PACS2: variants seen among roughly 807,000 people sequenced by gnomAD.
PACS2 encodes phosphofurin acidic cluster sorting protein 2, also known as PACS1-like protein.
PACS2 carries 36 observed loss-of-function variants against 113.0 expected under a neutral mutation model. That is an observed-to-expected ratio of 0.32 (90% CI 0.24 to 0.42). The LOEUF (loss-of-function observed/expected upper bound fraction) is 0.42. PACS2 is among the 10% of genes least tolerant of loss of function. PACS2 has a pLI of 1.00. For missense variants in PACS2, 1,015 were observed against 1,239.5 expected, an observed-to-expected ratio of 0.82 and a Z score of 2.72; for synonymous variants, 589 against 536.1, an observed-to-expected ratio of 1.10 and a Z score of -1.36.
rs782773260 is a variant in PACS2 at position 105,376,864 on chromosome 14, G to T, written c.898G>T (p.Asp300Tyr). The T allele has an allele frequency of 1.2e-6, 2 of 1,613,130 alleles. No individual in the cohort carries two copies. Among genetic ancestry groups the T allele is most frequent in the Non-Finnish European group, 1.7e-6 (2 of 1,179,862 alleles). Residue 300 changes from aspartate (D) to tyrosine (Y), a missense_variant, in exon 9 of 25, where the codon GAC (aspartate) becomes TAC (tyrosine). Asp to Tyr is a radical substitution (Grantham distance 160). Around this residue, in one of 3 missense-constraint regions of PACS2, gnomAD observed 859 missense variants for 1,056.8 expected, o/e 0.81. Transcript: ENST00000447393. The surrounding 1 kb of genome is among the most constrained non-coding windows in gnomAD (Gnocchi z 4.7). ...CACCCTGGACATGGAGCACCCCAGC[G>T]ACAGCGGCCCCGACATGGAGGATGA... The part of the protein sequence containing the change: ...YDTLDMEHPS[D>Y]SGPDMEDDDS...
intron 4 of PACS2, among the ~76,000 whole-genome samples, chr14:105,360,375 A>C (rs1439117692): frequency 6.6e-6 from 1 of 151,932 alleles, no homozygotes; most frequent in African/African-American, 2.4e-5. Flanking sequence ...TGTCGTCTCT[A>C]CTAAAAATAC....
intron 24 of PACS2, 108 bp downstream of exon 24, chr14:105,393,443 A>C (rs766790558): frequency 3.2e-5 from 21 of 651,928 alleles, no homozygotes; most frequent in Non-Finnish European, 5.0e-5. Flanking sequence ...TGTGACACGC[A>C]CATTCCACGA....
chr14:105,326,880 T>C (rs775710556), intron 1 of PACS2, among the ~76,000 whole-genome samples: 10 of 152,204 alleles, frequency 6.6e-5, no homozygotes, highest in Non-Finnish European at 1.3e-4. Context: ...AGCCTGCCCC[T>C]TGCAGTCAGT....
intron 19 of PACS2, among the ~76,000 whole-genome samples, chr14:105,386,528 A>C (rs1471097556): frequency 6.6e-6 from 1 of 152,174 alleles, no homozygotes; most frequent in African/African-American, 2.4e-5. Flanking sequence ...CCTTTCAGAC[A>C]GAGCCACCCC....
Position 105,348,601 on chromosome 14 carries a change from G to C in PACS2, c.207+21G>C. The C allele has an allele frequency of 6.4e-7, 1 of 1,557,198 alleles. No homozygotes were observed. The highest frequency in any genetic ancestry group is 1.4e-5 in the African/African-American group (1 of 73,936). ...TGCAGGTGAGGCCGCTTGTGACCCC[G>C]GCTGTGGCTGGGTGCTGTGTAGGCT... On this transcript the variant is annotated intron_variant, in intron 2 of 24. Coordinates refer to ENST00000447393, the MANE Select transcript of PACS2 (RefSeq NM_001100913.3). This position sits in a 1 kb window ranked among gnomAD's most constrained non-coding sequence, Gnocchi z 6.4.
chr14:105,371,289 T>C (rs1170759783), intron 8 of PACS2: 1 of 152,282 alleles, frequency 6.6e-6, no homozygotes, highest in Non-Finnish European at 1.5e-5. Flanking sequence ...CCTTGAGCCC[T>C]GCTGAGCGCC....
chr14:105,367,281 C>T lies in PACS2; in HGVS notation c.492C>T (p.Val164=). The T allele has an allele frequency of 6.2e-7, 1 of 1,613,168 alleles. No individual in the cohort carries two copies. Among genetic ancestry groups the T allele is most frequent in the South Asian group, 1.1e-5 (1 of 91,082 alleles). ...GCAGCAGCATCAAGGAGGCCCCCGT[C>T]AAGGCGGCCGAGATCTGGATCGCCT... is the stretch of plus-strand genomic sequence containing the variant. The part of the protein sequence containing the change: ...SLCSSIKEAP[V]KAAEIWIASL... Residue 164 remains valine (V), a synonymous_variant, in exon 5 of 25, where the codon GTC becomes GTT. Transcript: ENST00000447393.
At chr14:105,326,904 C>T (rs1258864221) in intron 1 of PACS2, among the ~76,000 whole-genome samples, 5 of 152,228 alleles carry the variant, frequency 3.3e-5, no homozygotes, top group Non-Finnish European at 7.3e-5. Flanking sequence ...GCTGTTCCTT[C>T]GGCTCCTGCA....
chr14:105,370,078 C>T, intron 8 of PACS2, 178 bp downstream of exon 8: 2 of 582,254 alleles, frequency 3.4e-6, no homozygotes, highest in South Asian at 2.1e-5. Flanking sequence ...CTCCCGGGCT[C>T]CAGGTCACCC....
intron 9 of PACS2, among the ~76,000 whole-genome samples, chr14:105,378,964 G>T (rs587697745): frequency 6.6e-6 from 1 of 152,228 alleles, no homozygotes; most frequent in East Asian, 1.9e-4. Flanking sequence ...GAAAGGCATG[G>T]GTGGCCTGGA....
At chr14:105,310,683 G>A (rs986088715), upstream of PACS2, among the ~76,000 whole-genome samples, 2 of 151,944 alleles carry the variant, frequency 1.3e-5, no homozygotes, top group African/African-American at 4.8e-5. Flanking sequence ...GCCAGATGGC[G>A]CCCGGCTCTC....
rs142660498 is a variant in PACS2, at chr14:105,328,499, A to T, written c.119+13462A>T. ...AGCAGTGTGAATGGCCATAGAGAAC[A>T]GGGGCCCAGAGGCTGCTCTCGAGGA... On this transcript the variant is annotated intron_variant, in intron 1 of 24. Transcript: ENST00000447393. Among the ~76,000 whole-genome samples, 101 of 152,324 alleles carry T rather than the reference A, an allele frequency of 6.6e-4. No homozygotes were observed. The East Asian group carries it at 0.019, about 29-fold the overall frequency.
exon 1 of PACS2, chr14:105,300,802 G>A (rs1341978689): frequency 3.8e-5 from 12 of 312,316 alleles, no homozygotes; most frequent in Admixed American, 5.9e-5. Context: ...CCCGGGCCGC[G>A]CCGCCCGCAA....
chr14:105,328,018 G>T (rs1324662584), intron 1 of PACS2, among the ~76,000 whole-genome samples: 1 of 152,268 alleles, frequency 6.6e-6, no homozygotes, highest in Non-Finnish European at 1.5e-5. Flanking sequence ...TTTCACTGCG[G>T]ATTCTATCAG....
Position 105,389,834 on chromosome 14 carries a change from C to T in PACS2, c.2034-127C>T, listed in dbSNP as rs1185001216. 41 of 840,868 alleles carry T rather than the reference C, an allele frequency of 4.9e-5. 1 individual carries two copies. The highest frequency in any genetic ancestry group is 3.3e-4 in the Middle Eastern group (1 of 3,020). 52.1% of individuals were successfully genotyped at this position (840,868 alleles called of 1,614,324 possible). ...CCGGGACACACAGGGCAGGGCTGTC[C>T]GGCAGGGCCATCCGGCAGGGCCGCG... On this transcript the variant is annotated intron_variant, in intron 19 of 24. Coordinates refer to ENST00000447393, the MANE Select transcript of PACS2 (RefSeq NM_001100913.3).
At chr14:105,381,791 G>T (rs1422029476) in intron 12 of PACS2, 123 bp from the exon 13 acceptor site, 5 of 873,044 alleles carry the variant, frequency 5.7e-6, no homozygotes, top group Non-Finnish European at 8.8e-6. Flanking sequence ...CCATCAGTCA[G>T]CCCTGTGCTC....
At chr14:105,380,267 T>C (rs1327816728) in intron 11 of PACS2, 113 bp downstream of exon 11, 4 of 864,790 alleles carry the variant, frequency 4.6e-6, no homozygotes, top group South Asian at 1.6e-5. Flanking sequence ...ATGTCACACC[T>C]GGTGTGCAGA....
rs987281612 is a variant in PACS2, at chr14:105,315,544, C to T, written c.119+507C>T. On this transcript the variant is annotated intron_variant, in intron 1 of 24. Transcript: ENST00000447393. This position sits in a 1 kb window ranked among gnomAD's most constrained non-coding sequence, Gnocchi z 4.4. ...CCCTGTCCTGCGGGGCGGGGTCGTCCTCGCGGGTACCTGGTTGGCGCTGTC... is the reference window on the plus strand; with the variant it reads ...CCCTGTCCTGCGGGGCGGGGTCGTCTTCGCGGGTACCTGGTTGGCGCTGTC... 1 of 152,296 alleles carries T rather than the reference C, an allele frequency of 6.6e-6. No individual in the cohort carries two copies. The highest frequency in any genetic ancestry group is 1.5e-5 in the Non-Finnish European group (1 of 68,086). The allele number at this position is 152,296 out of a possible 1,614,324, so 9.4% of individuals were successfully genotyped here.
intron 8 of PACS2, chr14:105,371,730 C>A (rs782167575): frequency 6.6e-6 from 1 of 152,184 alleles, no homozygotes; most frequent in East Asian, 1.9e-4. Context: ...ACGAGGTCAC[C>A]GCCTGGATTA....
Sources: allele counts gnomAD v4.1 joint callset (sites outside exome capture counted in the v4.1 genomes callset), GRCh38; gene constraint gnomAD v4.1.1; regional missense constraint gnomAD v4.1.1; non-coding constraint Gnocchi (gnomAD v3.1); transcripts MANE v1.5; gene names NCBI Gene and HGNC (gene_info 2026-07-23, HGNC 2026-07-21).